Variants in SLMAP observed in about 807,000 individuals in gnomAD.
The protein encoded by SLMAP is sarcolemmal membrane-associated protein.
SLMAP carries 44 observed loss-of-function variants against 128.8 expected under a neutral mutation model. The ratio of observed to expected loss-of-function variants is 0.34; its 90% confidence interval spans 0.27 to 0.44. The LOEUF (loss-of-function observed/expected upper bound fraction) is 0.44. SLMAP is among the 20% of genes least tolerant of loss of function. The pLI, the probability that SLMAP is intolerant of heterozygous loss-of-function variation, is 1.00. For missense variants in SLMAP, 787 were observed against 985.3 expected (o/e 0.80, Z 2.69); for synonymous variants, 327 against 348.8 (o/e 0.94, Z 0.70).
chr3:57,802,018 T>G (rs1001266953), intron 2 of SLMAP, among the ~76,000 whole-genome samples: 1 of 152,256 alleles, frequency 6.6e-6, no homozygotes, highest in Non-Finnish European at 1.5e-5. Flanking sequence ...TATATTTTGT[T>G]GTTTTTATCC....
In SLMAP at chr3:57,874,859, C is replaced by CA. The variant is rs1181269991; in HGVS notation, c.1300+3176dup. The stretch of plus-strand genomic sequence containing the variant: ...GGGCAACAAGAGCGAAACTCTGTCT[C>CA]AAAAAAAAAAAAAAAGCTTTTTACT... On this transcript the variant is annotated intron_variant, in intron 14 of 24. Transcript: ENST00000671191. Among the ~76,000 whole-genome samples the CA allele has an allele frequency of 3.8e-3, 252 of 67,048 alleles. 1 individual carries two copies. Among genetic ancestry groups the CA allele is most frequent in the African/African-American group, 6.6e-3 (119 of 18,132 alleles). 44.0% of individuals were successfully genotyped at this position (67,048 alleles called of 152,430 possible). A position where few individuals can be genotyped will look rare whatever the true frequency, so the allele number is the denominator to read the frequency against.
chr3:57,912,814 T>C (rs2096728813), intron 20 of SLMAP, 113 bp downstream of exon 20: 2 of 698,220 alleles, frequency 2.9e-6, no homozygotes, highest in Non-Finnish European at 4.4e-6. Context: ...ATCAGTTGTA[T>C]AAACCAATGT....
At chr3:57,853,461 AG>A (rs2094578780) in intron 6 of SLMAP, among the ~76,000 whole-genome samples, 1 of 152,194 alleles carries the variant, frequency 6.6e-6, no homozygotes, top group Non-Finnish European at 1.5e-5. Flanking sequence ...CAGAGGCGTT[AG>A]GGTCATAAGT....
chr3:57,785,415 T>C (rs2083885933), intron 2 of SLMAP, among the ~76,000 whole-genome samples: 1 of 152,242 alleles, frequency 6.6e-6, no homozygotes, highest in South Asian at 2.1e-4. Context: ...TAGGTCTTAG[T>C]GACCTAGTTG....
intron 2 of SLMAP, among the ~76,000 whole-genome samples, chr3:57,820,126 G>A (rs1401739203): frequency 1.3e-5 from 2 of 152,106 alleles, no homozygotes; most frequent in Non-Finnish European, 2.9e-5. Flanking sequence ...CCCCAGGATA[G>A]TTAGCATTTT....
intron 2 of SLMAP, among the ~76,000 whole-genome samples, chr3:57,789,019 T>C (rs1330876057): frequency 6.6e-6 from 1 of 152,204 alleles, no homozygotes; most frequent in East Asian, 1.9e-4. Flanking sequence ...CCAAGGAGCC[T>C]GTGGTGATTC....
chr3:57,885,460 C>T (rs1321375036), intron 14 of SLMAP, among the ~76,000 whole-genome samples: 1 of 148,004 alleles, frequency 6.8e-6, no homozygotes, highest in Non-Finnish European at 1.5e-5. Flanking sequence ...TGTTCTGTCG[C>T]CCAGGCTAGA....
At chr3:57,815,572 T>C (rs538462535) in intron 2 of SLMAP, among the ~76,000 whole-genome samples, 69 of 152,242 alleles carry the variant, frequency 4.5e-4, no homozygotes, top group African/African-American at 1.6e-3. Context: ...CCATAAAATA[T>C]TATATATGTT....
chr3:57,783,447 G>C (rs2083458229), intron 2 of SLMAP, among the ~76,000 whole-genome samples: 1 of 152,160 alleles, frequency 6.6e-6, no homozygotes, highest in Non-Finnish European at 1.5e-5. Flanking sequence ...CAGAATTTAA[G>C]AGTGATGAGC....
intron 2 of SLMAP, among the ~76,000 whole-genome samples, chr3:57,771,325 G>A (rs1361304759): frequency 6.6e-6 from 1 of 152,066 alleles, no homozygotes; most frequent in Non-Finnish European, 1.5e-5. Context: ...ACCCTGCCTA[G>A]GCTCAAGCAA....
chr3:57,782,161 A>G (rs1472624715), intron 2 of SLMAP, among the ~76,000 whole-genome samples: 6 of 152,214 alleles, frequency 3.9e-5, no homozygotes, highest in African/African-American at 1.4e-4. Flanking sequence ...ATCTCTTGAA[A>G]TAGAGAAATT....
intron 2 of SLMAP, among the ~76,000 whole-genome samples, chr3:57,811,653 G>T (rs2090997546): frequency 6.6e-6 from 1 of 152,120 alleles, no homozygotes; most frequent in African/African-American, 2.4e-5. Flanking sequence ...AATTTTTGAG[G>T]AACTGCCATA....
At chr3:57,896,710 A>T in intron 16 of SLMAP, 119 bp downstream of exon 16, 1 of 1,265,300 alleles carries the variant, frequency 7.9e-7, no homozygotes, top group Non-Finnish European at 1.1e-6. Flanking sequence ...GCTTCCATTT[A>T]TCAAGTCATC....
At chr3:57,829,281 T>C (rs1184371453) in intron 2 of SLMAP, among the ~76,000 whole-genome samples, 1 of 152,200 alleles carries the variant, frequency 6.6e-6, no homozygotes, top group Non-Finnish European at 1.5e-5. Context: ...TGTTCCATTT[T>C]ATGTTTTTTT....
chr3:57,923,139 T>G (rs1009547510), intron 23 of SLMAP, 116 bp downstream of exon 23: 2 of 945,034 alleles, frequency 2.1e-6, no homozygotes, highest in Non-Finnish European at 3.2e-6. Flanking sequence ...TGAAATAGGC[T>G]TTTCATTATG....
chr3:57,893,288 G>A (rs2096142546), intron 15 of SLMAP, among the ~76,000 whole-genome samples: 1 of 151,786 alleles, frequency 6.6e-6, no homozygotes, highest in African/African-American at 2.4e-5. Flanking sequence ...TAAAAAATTA[G>A]CCAGATGTGG....
At chr3:57,794,636 G>A (rs2086298498) in intron 2 of SLMAP, among the ~76,000 whole-genome samples, 1 of 151,988 alleles carries the variant, frequency 6.6e-6, no homozygotes, top group South Asian at 2.1e-4. Flanking sequence ...TCTGCTTTCT[G>A]TCTCTCTAGA....
At chr3:57,889,963 G>T in intron 14 of SLMAP, 78 bp from the exon 15 acceptor site, 1 of 966,562 alleles carries the variant, frequency 1.0e-6, no homozygotes, top group South Asian at 1.3e-5. Context: ...ATTTGGTCAT[G>T]GAATGTGTTA....
intron 2 of SLMAP, among the ~76,000 whole-genome samples, chr3:57,824,698 GTTC>G (rs1370612034): frequency 6.6e-6 from 1 of 152,116 alleles, no homozygotes; most frequent in African/African-American, 2.4e-5. Flanking sequence ...TTCCAACTTT[GTTC>G]TTCTTTCTCA....
Sources: gnomAD v4.1 joint callset for allele counts (sites outside exome capture counted in the v4.1 genomes callset) on GRCh38, gnomAD v4.1.1 for gene constraint, MANE v1.5 for transcripts, NCBI Gene and HGNC (gene_info 2026-07-23, HGNC 2026-07-21) for gene names.